EEPD1: variants seen among roughly 807,000 people sequenced by gnomAD.
EEPD1 encodes the protein endonuclease/exonuclease/phosphatase family domain containing 1, also known as endonuclease/exonuclease/phosphatase family domain-containing protein 1.
A neutral mutation model predicts 46.3 loss-of-function variants in EEPD1; 17 were observed. The ratio of observed to expected loss-of-function variants is 0.37; its 90% CI spans 0.25 to 0.55. The LOEUF (loss-of-function observed/expected upper bound fraction) is 0.55. Among genes scored for constraint, EEPD1 ranks in the 20% least tolerant of loss-of-function variants. The pLI is 0.83. For missense variants in EEPD1, 673 were observed against 745.6 expected (o/e 0.90, Z 1.13); for synonymous variants, 313 against 315.6 (o/e 0.99, Z 0.09).
At chr7:36,277,078 T>C (rs1787192846) in intron 3 of EEPD1, among the ~76,000 whole-genome samples, 1 of 152,264 alleles carries the variant, frequency 6.6e-6, no homozygotes, top group Non-Finnish European at 1.5e-5. Flanking sequence ...GGAGTTCAGA[T>C]TGAGAGCTCT....
chr7:36,299,518 G>A lies in EEPD1; in HGVS notation c.*312G>A. 1 of 388,814 alleles carries A rather than the reference G, an allele frequency of 2.6e-6. No individual in the cohort carries two copies. The highest frequency in any genetic ancestry group is 4.9e-5 in the East Asian group (1 of 20,398). The allele number at this position is 388,814 out of a possible 1,614,324, so 24.1% of individuals were successfully genotyped here. On this transcript the variant is annotated 3_prime_UTR_variant, in exon 8 of 8. Coordinates refer to ENST00000242108, the MANE Select transcript of EEPD1 (RefSeq NM_030636.3). ...GCTGCTGACTGGATGGCAGCACAAA[G>A]ACAATATGAGCAGAGGGAGGAGAAG...
chr7:36,233,553 G>A (rs925561298), intron 2 of EEPD1, among the ~76,000 whole-genome samples: 9 of 152,212 alleles, frequency 5.9e-5, no homozygotes, highest in South Asian at 2.1e-4. Flanking sequence ...GAGCTTCCAC[G>A]CTTGTTGGGA....
chr7:36,169,730 C>T (rs1195614062), intron 2 of EEPD1, among the ~76,000 whole-genome samples: 9 of 152,180 alleles, frequency 5.9e-5, no homozygotes, highest in Admixed American at 3.9e-4. Context: ...CAACATCCTA[C>T]AGAAACAAAC....
intron 6 of EEPD1, among the ~76,000 whole-genome samples, chr7:36,289,026 C>T (rs1275912290): frequency 1.3e-5 from 2 of 152,128 alleles, no homozygotes; most frequent in Non-Finnish European, 2.9e-5. Flanking sequence ...AAACTGGCCC[C>T]TCAAATTGGG....
rs1156818974 is a variant in EEPD1 at position 36,263,726 on chromosome 7, T to C, written c.931-17389T>C. Among the ~76,000 whole-genome samples the C allele has an allele frequency of 2.0e-5, 3 of 152,254 alleles. No homozygotes were observed. In the South Asian group the frequency reaches 6.2e-4, roughly 31 times the overall value. On this transcript the variant is annotated intron_variant, in intron 3 of 7. Coordinates refer to ENST00000242108, the MANE Select transcript of EEPD1 (RefSeq NM_030636.3). ...GCCTTTCTCCCATGATTACAATTCA[T>C]GAGACCACAGTTTTGTATTATAGCT...
chr7:36,204,019 T>G (rs1034658405), intron 2 of EEPD1, among the ~76,000 whole-genome samples: 1 of 151,802 alleles, frequency 6.6e-6, no homozygotes, highest in Non-Finnish European at 1.5e-5. Context: ...TGCCCTTTCT[T>G]TCTTTCTTTT....
chr7:36,165,268 A>G (rs981470767), intron 2 of EEPD1, among the ~76,000 whole-genome samples: 1 of 152,172 alleles, frequency 6.6e-6, no homozygotes, highest in Non-Finnish European at 1.5e-5. Flanking sequence ...TTTAAATACC[A>G]TAGTGTTGCA....
At chr7:36,287,236 CAAAAA>C (rs377318198) in intron 5 of EEPD1, among the ~76,000 whole-genome samples, 16 of 42,204 alleles carry the variant, frequency 3.8e-4, no homozygotes, top group African/African-American at 1.7e-3. Context: ...GACTCCTTCT[CAAAAA>C]AAAAAAAAAA....
At position 36,299,014 on chromosome 7, in the gene EEPD1, G is replaced by C. The variant is rs1316770523; in HGVS notation, c.1518G>C (p.Trp506Cys). 5.0e-6 allele frequency: 8 copies of C among 1,613,944 alleles called. No homozygotes were observed. Among genetic ancestry groups the C allele is most frequent in the Non-Finnish European group, 8.5e-7 (1 of 1,180,008 alleles). Residue 506 changes from tryptophan (W) to cysteine (C), a missense_variant, in exon 8 of 8, where the codon TGG (tryptophan) becomes TGC (cysteine). Physicochemically the swap from Trp to Cys is radical, Grantham distance 215. Transcript: ENST00000242108. The part of the protein sequence containing the change: ...KSLKKVFTGH[W>C]AVVREGLTNP... ...TCCTTCCTCTCCCTTCAGGTCACTG[G>C]GCTGTGGTGAGAGAAGGCCTCACGA...
At chr7:36,289,905 G>T (rs1008645081) in intron 6 of EEPD1, among the ~76,000 whole-genome samples, 2 of 152,184 alleles carry the variant, frequency 1.3e-5, no homozygotes, top group African/African-American at 4.8e-5. Context: ...TTCCACCTTT[G>T]TCCTGTTGTG....
chr7:36,223,464 C>A (rs1053428183), intron 2 of EEPD1, among the ~76,000 whole-genome samples: 1 of 152,146 alleles, frequency 6.6e-6, no homozygotes, highest in Non-Finnish European at 1.5e-5. Flanking sequence ...GACCTGCAGG[C>A]CACCACTCCC....
At chr7:36,169,229 A>G (rs181982848) in intron 2 of EEPD1, among the ~76,000 whole-genome samples, 1 of 152,340 alleles carries the variant, frequency 6.6e-6, no homozygotes, top group Admixed American at 6.5e-5. Context: ...TCTTTGGGGT[A>G]TATACCTAGG....
At position 36,301,405 on chromosome 7, in the gene EEPD1, C is replaced by T. The variant is rs1787620210; in HGVS notation, c.*2199C>T. 1 of 152,238 alleles carries T rather than the reference C, an allele frequency of 6.6e-6. No homozygotes were observed. Among genetic ancestry groups the T allele is most frequent in the African/African-American group, 2.4e-5 (1 of 41,452 alleles). The allele number at this position is 152,238 out of a possible 1,614,324, so 9.4% of individuals were successfully genotyped here. On this transcript the variant is annotated 3_prime_UTR_variant, in exon 8 of 8. Coordinates refer to ENST00000242108, the MANE Select transcript of EEPD1 (RefSeq NM_030636.3). ...GCACAAAGGGATTCCCATATCCCTC[C>T]TCTTCTTTGCATATTTCCCCCTCTA...
chr7:36,268,507 A>G (rs954690106), intron 3 of EEPD1, among the ~76,000 whole-genome samples: 26 of 152,278 alleles, frequency 1.7e-4, no homozygotes, highest in African/African-American at 6.3e-4. Context: ...TCTCCTCACC[A>G]GAGAATGTTA....
chr7:36,268,510 G>T (rs1418325376), intron 3 of EEPD1, among the ~76,000 whole-genome samples: 2 of 152,156 alleles, frequency 1.3e-5, no homozygotes, highest in Middle Eastern at 3.2e-3. Flanking sequence ...CCTCACCAGA[G>T]AATGTTACCA....
chr7:36,289,402 G>A (rs1280195236), intron 6 of EEPD1, among the ~76,000 whole-genome samples: 2 of 152,124 alleles, frequency 1.3e-5, no homozygotes, highest in African/African-American at 2.4e-5. Flanking sequence ...ACTACTCTAG[G>A]TGCCCCAAAT....
intron 2 of EEPD1, among the ~76,000 whole-genome samples, chr7:36,206,743 G>C (rs758401639): frequency 1.8e-4 from 28 of 152,240 alleles, no homozygotes; most frequent in Non-Finnish European, 3.5e-4. Flanking sequence ...ATGTTTTCCT[G>C]TGCACCTAAA....
At chr7:36,200,223 C>T (rs1252331738) in intron 2 of EEPD1, among the ~76,000 whole-genome samples, 1 of 152,080 alleles carries the variant, frequency 6.6e-6, no homozygotes, top group Non-Finnish European at 1.5e-5. Flanking sequence ...TAAGTGAGAA[C>T]ATGTGGTATT....
At chr7:36,208,735 A>G (rs1785869617) in intron 2 of EEPD1, among the ~76,000 whole-genome samples, 1 of 152,220 alleles carries the variant, frequency 6.6e-6, no homozygotes, top group African/African-American at 2.4e-5. Context: ...TGTACTAAGT[A>G]CTTTTCCTGT....
Sources: gnomAD v4.1 joint callset for allele counts (sites outside exome capture counted in the v4.1 genomes callset) on GRCh38, gnomAD v4.1.1 for gene constraint, MANE v1.5 for transcripts, NCBI Gene and HGNC (gene_info 2026-07-23, HGNC 2026-07-21) for gene names.